Variants in ABTB2 observed in about 807,000 individuals in gnomAD.
The protein encoded by ABTB2 is ankyrin repeat and BTB domain containing 2, also known as ankyrin repeat and BTB/POZ domain-containing protein 2.
ABTB2 carries 56 observed loss-of-function variants against 104.1 expected under a neutral mutation model. The ratio of observed to expected loss-of-function variants is 0.54; its 90% confidence interval spans 0.43 to 0.67. The LOEUF is 0.67. ABTB2 is among the 30% of genes least tolerant of loss of function. ABTB2 has a pLI of 0.00. For synonymous variants in ABTB2, 606 were observed against 608.2 expected (o/e 1.00, Z 0.05); for missense variants, 1,279 against 1,407.7 (o/e 0.91, Z 1.46).
chr11:34,237,082 T>C (rs1853853758), intron 1 of ABTB2, among the ~76,000 whole-genome samples: 1 of 152,134 alleles, frequency 6.6e-6, no homozygotes, highest in African/African-American at 2.4e-5. Flanking sequence ...TGGATCATCT[T>C]GGACAAGTTA....
At position 34,172,418 on chromosome 11, in the gene ABTB2, A is replaced by ATATATATGTG. The variant is rs55819950; in HGVS notation, c.1397+736_1397+737insCACATATATA. On this transcript the variant is annotated intron_variant, in intron 4 of 16. Coordinates refer to ENST00000435224, the MANE Select transcript of ABTB2 (RefSeq NM_145804.3). ...AAAATATATATATATATATATATAT[A>ATATATATGTG]TGTGTGTGTGTGTGTGTATATAGAT... Among the ~76,000 whole-genome samples, 220 of 84,144 alleles carry ATATATATGTG rather than the reference A, an allele frequency of 2.6e-3. 3 individuals carry two copies. The highest frequency in any genetic ancestry group is 7.7e-3 in the Middle Eastern group (1 of 130). 55.2% of individuals were successfully genotyped at this position (84,144 alleles called of 152,430 possible).
chr11:34,175,114 G>A (rs1440102170), intron 3 of ABTB2, among the ~76,000 whole-genome samples: 2 of 152,230 alleles, frequency 1.3e-5, no homozygotes, highest in African/African-American at 4.8e-5. Flanking sequence ...GCCACCTCCA[G>A]GGAGTCAGCC....
At chr11:34,293,611 TGTCAA>T (rs1344041858) in intron 1 of ABTB2, among the ~76,000 whole-genome samples, 1,769 of 152,284 alleles carry the variant, frequency 0.012, 28 homozygotes, top group African/African-American at 0.039. Flanking sequence ...TGCCCAGCTG[TGTCAA>T]ATGCTGCTGA....
intron 1 of ABTB2, among the ~76,000 whole-genome samples, chr11:34,266,376 C>T (rs1854250370): frequency 6.6e-6 from 1 of 152,198 alleles, no homozygotes. Context: ...TAAGCCACTG[C>T]ACCTGGCCTC....
At chr11:34,161,126 G>A in intron 10 of ABTB2, 45 bp from the exon 11 acceptor site, 1 of 1,539,506 alleles carries the variant, frequency 6.5e-7, no homozygotes, top group Non-Finnish European at 8.8e-7. Flanking sequence ...CCACAGCTGA[G>A]CGCTCCCGGC....
At position 34,168,081 on chromosome 11, in the gene ABTB2, C is replaced by G. The variant is rs115642205; in HGVS notation, c.1564-89G>C. ...GGCCTCTGCCCCAGAAACCACAGAT[C>G]GGGCACCCCGCCACCCCAGCCGAGC... is the stretch of plus-strand genomic sequence containing the variant. On this transcript the variant is annotated intron_variant, in intron 5 of 16. Coordinates refer to ENST00000435224, the MANE Select transcript of ABTB2 (RefSeq NM_145804.3). 1.7e-3 allele frequency: 2,291 copies of G among 1,324,782 alleles called. 31 individuals are homozygous for G. The African/African-American group carries it at 0.029, about 17-fold the overall frequency. 82.1% of individuals were successfully genotyped at this position (1,324,782 alleles called of 1,614,324 possible). A position where few individuals can be genotyped will look rare whatever the true frequency, so the allele number is the denominator to read the frequency against.
At chr11:34,189,606 C>T (rs1853146909) in intron 3 of ABTB2, among the ~76,000 whole-genome samples, 1 of 152,110 alleles carries the variant, frequency 6.6e-6, no homozygotes, top group Non-Finnish European at 1.5e-5. Context: ...GTCTCAACAA[C>T]AACAACCACT....
intron 3 of ABTB2, among the ~76,000 whole-genome samples, chr11:34,180,813 GGGT>G (rs539186922): frequency 2.2e-4 from 33 of 152,270 alleles, no homozygotes; most frequent in African/African-American, 7.9e-4. Flanking sequence ...TTCAATCCAA[GGGT>G]CTCCTAAGGC....
intron 1 of ABTB2, among the ~76,000 whole-genome samples, chr11:34,289,847 C>G (rs1854547980): frequency 6.6e-6 from 1 of 152,166 alleles, no homozygotes; most frequent in African/African-American, 2.4e-5. Flanking sequence ...TCTAGGCAAC[C>G]AGTATCCCAG....
Position 34,154,913 on chromosome 11 carries a change from C to A in ABTB2, c.2698-144G>T. ...CCAGCTCTGTCTCTCCCTCCCTCTC[C>A]TGCTCAGGCTGAGACTTGTGTTTTC... On this transcript the variant is annotated intron_variant, in intron 14 of 16. Transcript: ENST00000435224. This position sits in a 1 kb window ranked among gnomAD's most constrained non-coding sequence, Gnocchi z 4.9. The A allele has an allele frequency of 1.4e-6, 1 of 730,704 alleles. No individual in the cohort carries two copies. Among genetic ancestry groups the A allele is most frequent in the South Asian group, 1.8e-5 (1 of 54,058 alleles). 45.3% of individuals were successfully genotyped at this position (730,704 alleles called of 1,614,324 possible). A position where few individuals can be genotyped will look rare whatever the true frequency, so the allele number is the denominator to read the frequency against.
At chr11:34,160,872 G>A in intron 11 of ABTB2, 31 bp downstream of exon 11, 1 of 1,574,156 alleles carries the variant, frequency 6.4e-7, no homozygotes. Context: ...CTGGGCCGTG[G>A]GCTTGGGAAC....
chr11:34,162,432 C>T (rs978731502), intron 10 of ABTB2, 144 bp downstream of exon 10: 13 of 888,942 alleles, frequency 1.5e-5, no homozygotes, highest in Non-Finnish European at 2.2e-5. Flanking sequence ...TCCCAGCCTC[C>T]ACCCAGTCTG....
intron 1 of ABTB2, among the ~76,000 whole-genome samples, chr11:34,208,588 C>T (rs563940595): frequency 1.3e-5 from 2 of 152,208 alleles, no homozygotes; most frequent in South Asian, 2.1e-4. Flanking sequence ...ATTTCTCAAT[C>T]TCTACACAGA....
In ABTB2 at chr11:34,234,162, T is replaced by C. The variant is rs117817274; in HGVS notation, c.884-29472A>G. Among the ~76,000 whole-genome samples, 284 of 151,996 alleles carry C rather than the reference T, an allele frequency of 1.9e-3. 1 individual carries two copies. Among genetic ancestry groups the C allele is most frequent in the Non-Finnish European group, 2.9e-3 (194 of 67,932 alleles). On this transcript the variant is annotated intron_variant, in intron 1 of 16. Transcript: ENST00000435224. ...TTCCCTTCTCCCCTCCCCTCCCCTG[T>C]TGGGGTGGGGGCAAGGGTAAGAGCG...
intron 1 of ABTB2, among the ~76,000 whole-genome samples, chr11:34,229,293 T>C (rs577613267): frequency 1.4e-4 from 21 of 151,504 alleles, no homozygotes; most frequent in Admixed American, 2.0e-4. Context: ...CCATCCTGGC[T>C]AACACGATGA....
chr11:34,347,300 G>A (rs1239139877), intron 1 of ABTB2, among the ~76,000 whole-genome samples: 1 of 152,172 alleles, frequency 6.6e-6, no homozygotes, highest in Non-Finnish European at 1.5e-5. Flanking sequence ...GCCAGGTGTG[G>A]TGGTGCCTGC....
In ABTB2 at chr11:34,335,324, T is replaced by TG. The variant is rs1314211797; in HGVS notation, c.883+21376dup. On this transcript the variant is annotated intron_variant, in intron 1 of 16. Coordinates refer to ENST00000435224, the MANE Select transcript of ABTB2 (RefSeq NM_145804.3). ...TCCAAAAAAATGCCAAACCAGATGA[T>TG]GGGTCAGTAAAGTCAGCCCAATATC... The TG allele has an allele frequency of 1.1e-5, 12 of 1,064,172 alleles. No individual in the cohort carries two copies. In the Admixed American group the frequency reaches 2.0e-4, roughly 18 times the overall value. The allele number at this position is 1,064,172 out of a possible 1,614,324, so 65.9% of individuals were successfully genotyped here.
rs1272689374 is a variant in ABTB2 at position 34,154,650 on chromosome 11, G to A, written c.2766+51C>T. The A allele has an allele frequency of 6.3e-6, 10 of 1,589,280 alleles. No individual in the cohort carries two copies. The East Asian group carries it at 1.8e-4, about 28-fold the overall frequency. Reference sequence around the variant, plus strand: ...CTCTGAAGGGGGTGAATGGGAGACCGAGCCGCTGGGCACCCTAGCCCAGGC... The same window carrying A: ...CTCTGAAGGGGGTGAATGGGAGACCAAGCCGCTGGGCACCCTAGCCCAGGC... On this transcript the variant is annotated intron_variant, in intron 15 of 16. Transcript: ENST00000435224. This position sits in a 1 kb window ranked among gnomAD's most constrained non-coding sequence, Gnocchi z 4.9.
At chr11:34,178,998 C>T (rs1171347245) in intron 3 of ABTB2, among the ~76,000 whole-genome samples, 1 of 151,236 alleles carries the variant, frequency 6.6e-6, no homozygotes. Context: ...ATTGCTTGAG[C>T]CCAGAAGGTG....
Sources: gnomAD v4.1 joint callset for allele counts (sites outside exome capture counted in the v4.1 genomes callset) on GRCh38, gnomAD v4.1.1 for gene constraint, Gnocchi (gnomAD v3.1) non-coding constraint, MANE v1.5 for transcripts, NCBI Gene and HGNC (gene_info 2026-07-23, HGNC 2026-07-21) for gene names.